ABCA3: variants seen among roughly 807,000 people sequenced by gnomAD.
The protein encoded by ABCA3 is phospholipid-transporting ATPase ABCA3.
ABCA3 carries 88 observed loss-of-function variants against 172.8 expected under a neutral mutation model. That is an observed-to-expected ratio of 0.51 (90% confidence interval 0.43 to 0.61). ABCA3 has a LOEUF of 0.61. Among genes scored for constraint, ABCA3 ranks in the 20% least tolerant of loss-of-function variants. ABCA3 has a pLI of 0.00. For synonymous variants in ABCA3, 1,066 were observed against 983.8 expected, an observed-to-expected ratio of 1.08 and a Z score of -1.56; for missense variants, 2,164 against 2,301.0, an observed-to-expected ratio of 0.94 and a Z score of 1.22.
At chr16:2,335,332 G>A (rs2093750098) in intron 1 of ABCA3, among the ~76,000 whole-genome samples, 1 of 151,974 alleles carries the variant, frequency 6.6e-6, no homozygotes, top group African/African-American at 2.4e-5. Flanking sequence ...GTTTCCTGTA[G>A]GGACAGGATC....
rs1259023339 is a variant in ABCA3 at position 2,284,195 on chromosome 16, GC to G, written c.3862+83del. On this transcript the variant is annotated intron_variant, in intron 25 of 32. Transcript: ENST00000301732. This position sits in a 1 kb window ranked among gnomAD's most constrained non-coding sequence, Gnocchi z 5.9. Reference sequence around the variant, plus strand: ...CCCCAGGCCACTCAGACGCAGAGGAGCCCCTGCCCTAGGAGGCCCCTCTGCA... The same window carrying G: ...CCCCAGGCCACTCAGACGCAGAGGAGCCCTGCCCTAGGAGGCCCCTCTGCA... The G allele has an allele frequency of 1.3e-6, 2 of 1,487,706 alleles. No individual in the cohort carries two copies. Among genetic ancestry groups the G allele is most frequent in the Non-Finnish European group, 1.8e-6 (2 of 1,104,008 alleles). 92.2% of individuals were successfully genotyped at this position (1,487,706 alleles called of 1,614,324 possible).
rs757262902 is a variant in ABCA3 at position 2,308,498 on chromosome 16, C to T, written c.1237G>A (p.Val413Ile). 20 of 1,614,214 alleles carry T rather than the reference C, an allele frequency of 1.2e-5. No individual in the cohort carries two copies. The highest frequency in any genetic ancestry group is 1.7e-5 in the Non-Finnish European group (20 of 1,180,030). The change falls in exon 11 of 33, where the codon GTC becomes ATC. Residue 413 changes from valine to isoleucine, a missense_variant. Physicochemically the swap from Val to Ile is conservative, Grantham distance 29 (BLOSUM62 3). Coordinates refer to ENST00000301732, the MANE Select transcript of ABCA3 (RefSeq NM_001089.3). ...AGCTGGGCTCCCATTGCCATGGCGA[C>T]ATTAGACAGGAGGCAGGAGCAGAGC... The part of the protein sequence containing the change: ...QKLCSCLLSN[V>I]AMAMGAQLIG...
intron 12 of ABCA3, among the ~76,000 whole-genome samples, chr16:2,302,264 G>C (rs145876660): frequency 2.0e-5 from 3 of 152,056 alleles, no homozygotes; most frequent in African/African-American, 7.2e-5. Context: ...CTCTAGTGCC[G>C]CTGGGTTAAG....
At chr16:2,325,454 T>C (rs1361406960) in intron 5 of ABCA3, among the ~76,000 whole-genome samples, 1 of 152,168 alleles carries the variant, frequency 6.6e-6, no homozygotes, top group Non-Finnish European at 1.5e-5. Context: ...AGCTGGGGGA[T>C]TCCTTGGGTG....
At chr16:2,308,390 T>C (rs2093701098) in intron 11 of ABCA3, 60 bp downstream of exon 11, 1 of 1,605,874 alleles carries the variant, frequency 6.2e-7, no homozygotes, top group Non-Finnish European at 8.5e-7. Flanking sequence ...GCTCTTGTGG[T>C]TGGGTGCTCT....
intron 3 of ABCA3, among the ~76,000 whole-genome samples, chr16:2,328,156 G>A (rs2093737303): frequency 6.6e-6 from 1 of 152,150 alleles, no homozygotes; most frequent in South Asian, 2.1e-4. Flanking sequence ...ATCAAATACA[G>A]GTGATAGCAG....
chr16:2,326,522 G>A (rs1156253580), intron 3 of ABCA3, 30 bp from the exon 4 acceptor site: 10 of 1,575,742 alleles, frequency 6.3e-6, no homozygotes, highest in Non-Finnish European at 8.6e-6. Flanking sequence ...AGAGAGTGTG[G>A]GTGCGCAATA....
At chr16:2,339,671 G>A (rs1025925866) in intron 1 of ABCA3, among the ~76,000 whole-genome samples, 2 of 152,164 alleles carry the variant, frequency 1.3e-5, no homozygotes, top group Non-Finnish European at 2.9e-5. Flanking sequence ...GGCATTTCTG[G>A]AGTTCCAGGA....
chr16:2,276,869 G>A, intron 32 of ABCA3, 64 bp from the exon 33 acceptor site: 2 of 1,600,242 alleles, frequency 1.2e-6, no homozygotes, highest in East Asian at 2.2e-5. Context: ...GCGGGACCTG[G>A]GAGTCCTCTG....
At chr16:2,337,737 T>C (rs1021059055) in intron 1 of ABCA3, among the ~76,000 whole-genome samples, 1 of 152,166 alleles carries the variant, frequency 6.6e-6, no homozygotes, top group Non-Finnish European at 1.5e-5. Context: ...TAGGAACAAA[T>C]GCACAACCCA....
At chr16:2,280,956 TCCCTGCCTC>T in intron 28 of ABCA3, 62 bp downstream of exon 28, 1 of 1,597,226 alleles carries the variant, frequency 6.3e-7, no homozygotes, top group Non-Finnish European at 8.6e-7. Flanking sequence ...CATCCCTCTG[TCCCTGCCTC>T]CAGGGTGCCC....
intron 1 of ABCA3, among the ~76,000 whole-genome samples, chr16:2,331,018 G>C (rs2093742339): frequency 6.6e-6 from 1 of 152,076 alleles, no homozygotes; most frequent in South Asian, 2.1e-4. Flanking sequence ...CCAAGTCAGG[G>C]CTTGAACCTT....
chr16:2,314,633 G>C (rs1000758524), intron 10 of ABCA3, among the ~76,000 whole-genome samples: 77 of 151,770 alleles, frequency 5.1e-4, no homozygotes, highest in African/African-American at 1.5e-3. Flanking sequence ...CTGGAGTGCA[G>C]TGGCATGATC....
rs532092940 is a variant in ABCA3, at chr16:2,289,640, G to T, written c.2514-20C>A. The T allele has an allele frequency of 6.5e-6, 10 of 1,545,308 alleles. No homozygotes were observed. In the South Asian group the frequency reaches 1.2e-4, roughly 18 times the overall value. On this transcript the variant is annotated intron_variant, in intron 19 of 32. Coordinates refer to ENST00000301732, the MANE Select transcript of ABCA3 (RefSeq NM_001089.3). ...CCGACCCTGTGCCGATACACACAGGGACCGGTCAGGACCCAGCTCCCCGGG... is the reference window on the plus strand; with the variant it reads ...CCGACCCTGTGCCGATACACACAGGTACCGGTCAGGACCCAGCTCCCCGGG...
chr16:2,292,024 G>C (rs1239524026), intron 19 of ABCA3, 116 bp downstream of exon 19: 1 of 793,922 alleles, frequency 1.3e-6, no homozygotes. Context: ...GGTGAGCCGA[G>C]ATCGCACCAC....
chr16:2,328,537 G>C lies in ABCA3; in HGVS notation c.-111C>G, dbSNP rs770968004. 2 of 515,458 alleles carry C rather than the reference G, an allele frequency of 3.9e-6. No individual in the cohort carries two copies. Among genetic ancestry groups the C allele is most frequent in the Non-Finnish European group, 7.7e-6 (2 of 258,536 alleles). The allele number at this position is 515,458 out of a possible 1,614,324, so 31.9% of individuals were successfully genotyped here. On this transcript the variant is annotated 5_prime_UTR_variant, in exon 3 of 33. Transcript: ENST00000301732. Reference sequence around the variant, plus strand: ...AGGAGAAACGTGCTCTGAAAACTGAGTGTAAAGAGGGCGAGGTGTGCAGAC... The same window carrying C: ...AGGAGAAACGTGCTCTGAAAACTGACTGTAAAGAGGGCGAGGTGTGCAGAC...
chr16:2,340,479 C>G (rs572992681), intron 1 of ABCA3, 94 bp downstream of exon 1: 3 of 150,338 alleles, frequency 2.0e-5, no homozygotes, highest in African/African-American at 7.3e-5. Flanking sequence ...GCCCGAGGCC[C>G]GAGCTGGCCG....
At chr16:2,307,887 G>A (rs1357021141) in intron 11 of ABCA3, among the ~76,000 whole-genome samples, 1 of 152,000 alleles carries the variant, frequency 6.6e-6, no homozygotes, top group Non-Finnish European at 1.5e-5. Context: ...TTATAGGCGT[G>A]AGCCACCACG....
rs981003242 is a variant in ABCA3, at chr16:2,279,491, A to C, written c.4360-361T>G. 6.6e-6 allele frequency among the ~76,000 whole-genome samples: 1 copy of C among 151,942 alleles called. No homozygotes were observed. Among genetic ancestry groups the C allele is most frequent in the Admixed American group, 6.6e-5 (1 of 15,254 alleles). ...CACCTGGGACATCTGATGTGCTAGG[A>C]CTCTTTCTTCTCCCTCTAAGAAGAA... On this transcript the variant is annotated intron_variant, in intron 28 of 32. Coordinates refer to ENST00000301732, the MANE Select transcript of ABCA3 (RefSeq NM_001089.3). The surrounding 1 kb of genome is among the most constrained non-coding windows in gnomAD (Gnocchi z 4.4).
Sources: gnomAD v4.1 joint callset for allele counts (sites outside exome capture counted in the v4.1 genomes callset) on GRCh38, gnomAD v4.1.1 for gene constraint, Gnocchi (gnomAD v3.1) non-coding constraint, MANE v1.5 for transcripts, NCBI Gene and HGNC (gene_info 2026-07-23, HGNC 2026-07-21) for gene names.